The following XKR4 variants were observed in gnomAD, a reference collection of about 807,000 sequenced individuals.
XKR4 encodes the protein XK-related protein 4.
Under a neutral mutation model 53.9 loss-of-function variants are expected in XKR4, and 12 were observed. That is an observed-to-expected ratio of 0.22 (90% CI 0.14 to 0.36). The LOEUF is 0.36. Ranked by LOEUF, XKR4 falls within the 10% of genes least tolerant of loss-of-function variation. XKR4 has a pLI of 1.00. For missense variants in XKR4, 799 were observed against 859.5 expected, an observed-to-expected ratio of 0.93 and a Z score of 0.88; for synonymous variants, 354 against 362.4, an observed-to-expected ratio of 0.98 and a Z score of 0.26.
chr8:55,473,005 C>A (rs1585593615), intron 2 of XKR4, among the ~76,000 whole-genome samples: 1 of 152,186 alleles, frequency 6.6e-6, no homozygotes, highest in South Asian at 2.1e-4. Context: ...GATTACCCCA[C>A]CCACTAATAT....
chr8:55,487,219 G>A (rs1409587495), intron 2 of XKR4, among the ~76,000 whole-genome samples: 1 of 152,116 alleles, frequency 6.6e-6, no homozygotes, highest in Non-Finnish European at 1.5e-5. Context: ...GAGTCTGAAG[G>A]CCAGTGAGCC....
intron 1 of XKR4, among the ~76,000 whole-genome samples, chr8:55,275,208 G>A (rs1440307194): frequency 6.6e-6 from 1 of 151,918 alleles, no homozygotes; most frequent in East Asian, 1.9e-4. Context: ...ATAATTAATA[G>A]GAGCAAAATG....
At chr8:55,389,348 T>C (rs1804405394) in intron 2 of XKR4, among the ~76,000 whole-genome samples, 1 of 152,232 alleles carries the variant, frequency 6.6e-6, no homozygotes, top group African/African-American at 2.4e-5. Context: ...GATTTCTTGC[T>C]AGCTAATATG....
rs1270824164 is a variant in XKR4, at chr8:55,532,995, A to G, written c.*8768A>G. The G allele has an allele frequency of 1.3e-5, 2 of 152,168 alleles. No individual in the cohort carries two copies. The highest frequency in any genetic ancestry group is 6.5e-5 in the Admixed American group (1 of 15,270). The allele number at this position is 152,168 out of a possible 1,614,324, so 9.4% of individuals were successfully genotyped here. A position where few individuals can be genotyped will look rare whatever the true frequency, so the allele number is the denominator to read the frequency against. On this transcript the variant is annotated 3_prime_UTR_variant, in exon 3 of 3. Transcript: ENST00000327381. ...GTGGTTAAGCTAATTTAATTTACCT[A>G]TTCTAGTGGCATTCTGGTATGGAGC...
intron 1 of XKR4, chr8:55,142,115 C>T (rs62516976): frequency 0.012 from 5,606 of 456,088 alleles, 63 homozygotes; most frequent in Non-Finnish European, 0.017. Flanking sequence ...CTATTCTCTC[C>T]TCCCTACCTC....
chr8:55,452,271 G>C (rs1805461123), intron 2 of XKR4: 1 of 648,856 alleles, frequency 1.5e-6, no homozygotes, highest in East Asian at 3.0e-5. Flanking sequence ...CTGATCCAAA[G>C]GGGTCTGGAT....
At chr8:55,436,389 A>G (rs1045182602) in intron 2 of XKR4, among the ~76,000 whole-genome samples, 1 of 152,232 alleles carries the variant, frequency 6.6e-6, no homozygotes, top group Non-Finnish European at 1.5e-5. Flanking sequence ...AGAGGAATTT[A>G]AAAATAAATG....
intron 2 of XKR4, among the ~76,000 whole-genome samples, chr8:55,498,257 C>T (rs1054803161): frequency 8.5e-5 from 13 of 152,208 alleles, no homozygotes; most frequent in South Asian, 4.1e-4. Context: ...TGGACTAACC[C>T]GGTCCCACTG....
At chr8:55,201,152 C>T (rs1817572812) in intron 1 of XKR4, among the ~76,000 whole-genome samples, 1 of 152,116 alleles carries the variant, frequency 6.6e-6, no homozygotes, top group Non-Finnish European at 1.5e-5. Flanking sequence ...ATAAAATTGA[C>T]TTTATGTCTG....
intron 2 of XKR4, among the ~76,000 whole-genome samples, chr8:55,403,720 G>A (rs374957446): frequency 3.8e-4 from 58 of 152,332 alleles, no homozygotes; most frequent in African/African-American, 1.3e-3. Flanking sequence ...TGCTGTCAGA[G>A]CTTCCACTAG....
In XKR4 at chr8:55,526,570, T is replaced by C. The variant is rs545861518; in HGVS notation, c.*2343T>C. 6.6e-6 allele frequency: 1 copy of C among 152,294 alleles called. No homozygotes were observed. The highest frequency in any genetic ancestry group is 1.5e-5 in the Non-Finnish European group (1 of 68,030). The allele number at this position is 152,294 out of a possible 1,614,324, so 9.4% of individuals were successfully genotyped here. A position where few individuals can be genotyped will look rare whatever the true frequency, so the allele number is the denominator to read the frequency against. On this transcript the variant is annotated 3_prime_UTR_variant, in exon 3 of 3. Coordinates refer to ENST00000327381, the MANE Select transcript of XKR4 (RefSeq NM_052898.2). ...AACGATTTTGGCAAATTCTTCACTT[T>C]TGTGCAGAACCTTGAGTTATTAGCT...
chr8:55,517,389 G>C (rs1040883526), intron 2 of XKR4: 1 of 152,044 alleles, frequency 6.6e-6, no homozygotes, highest in Non-Finnish European at 1.5e-5. Flanking sequence ...TGAGCCACAG[G>C]CTGCACACCC....
intron 1 of XKR4, among the ~76,000 whole-genome samples, chr8:55,176,675 A>G (rs776073504): frequency 1.5e-4 from 23 of 152,306 alleles, no homozygotes; most frequent in Non-Finnish European, 2.5e-4. Context: ...TCTGTTGAGA[A>G]TCATGTGTTT....
rs558780668 is a variant in XKR4 at position 55,311,400 on chromosome 8, T to C, written c.807-46278T>C. Among the ~76,000 whole-genome samples the C allele has an allele frequency of 2.9e-4, 44 of 151,736 alleles. No homozygotes were observed. In the East Asian group the frequency reaches 8.4e-3, roughly 29 times the overall value. ...CAGAGAAATAATTAGTCAAGCAAAA[T>C]AGGGAAGTGGTGAGAGGGTCCAGCC... On this transcript the variant is annotated intron_variant, in intron 1 of 2. Transcript: ENST00000327381.
intron 1 of XKR4, among the ~76,000 whole-genome samples, chr8:55,143,016 T>C (rs1816726874): frequency 6.6e-6 from 1 of 152,196 alleles, no homozygotes; most frequent in African/African-American, 2.4e-5. Flanking sequence ...TGAATGGTAT[T>C]ATACAAGATA....
rs560431898 is a variant in XKR4, at chr8:55,450,203, C to T, written c.1007-73078C>T. 142 of 651,942 alleles carry T rather than the reference C, an allele frequency of 2.2e-4. 3 individuals carry two copies. In the South Asian group the frequency reaches 2.2e-3, roughly 10 times the overall value. 40.4% of individuals were successfully genotyped at this position (651,942 alleles called of 1,614,324 possible). On this transcript the variant is annotated intron_variant, in intron 2 of 2. Coordinates refer to ENST00000327381, the MANE Select transcript of XKR4 (RefSeq NM_052898.2). ...GGGCAGCTGTGGTAGCAGGGCCACACCACACAGCACCTGCTCTGGGGAGCG... is the reference window on the plus strand; with the variant it reads ...GGGCAGCTGTGGTAGCAGGGCCACATCACACAGCACCTGCTCTGGGGAGCG...
chr8:55,464,786 A>G (rs1347956292), intron 2 of XKR4, among the ~76,000 whole-genome samples: 1 of 152,202 alleles, frequency 6.6e-6, no homozygotes, highest in Non-Finnish European at 1.5e-5. Context: ...ACTTCAGCAA[A>G]GTCTCAGGAT....
intron 2 of XKR4, among the ~76,000 whole-genome samples, chr8:55,513,298 G>A (rs781729256): frequency 6.6e-6 from 1 of 152,156 alleles, no homozygotes; most frequent in Admixed American, 6.5e-5. Flanking sequence ...TGATGCTTGC[G>A]GATGTTTTGT....
chr8:55,210,534 C>T (rs1448446814), intron 1 of XKR4, among the ~76,000 whole-genome samples: 1 of 152,070 alleles, frequency 6.6e-6, no homozygotes, highest in Non-Finnish European at 1.5e-5. Context: ...ATCTTTCTCC[C>T]ATGAATAAAA....
Sources: gnomAD v4.1 joint callset for allele counts (sites outside exome capture counted in the v4.1 genomes callset) on GRCh38, gnomAD v4.1.1 for gene constraint, MANE v1.5 for transcripts, NCBI Gene and HGNC (gene_info 2026-07-23, HGNC 2026-07-21) for gene names.